Variants in CAMTA1 observed in about 807,000 individuals in gnomAD.
CAMTA1 encodes calmodulin binding transcription activator 1.
A neutral mutation model predicts 170.9 loss-of-function variants in CAMTA1; 27 were observed. The observed-to-expected ratio is 0.16, with a 90% CI of 0.12 to 0.22. The LOEUF is 0.22. CAMTA1 is among the 10% of genes least tolerant of loss of function. The pLI, the probability that CAMTA1 is intolerant of heterozygous loss-of-function variation, is 1.00. For missense variants in CAMTA1, 1,619 were observed against 2,217.2 expected (o/e 0.73, Z 5.42); for synonymous variants, 833 against 891.5 (o/e 0.93, Z 1.17).
chr1:7,185,177 C>G (rs763297488), intron 4 of CAMTA1, among the ~76,000 whole-genome samples: 3 of 152,146 alleles, frequency 2.0e-5, no homozygotes, highest in African/African-American at 7.2e-5. Flanking sequence ...TATATACACA[C>G]AGAGAGAGTT....
At chr1:7,142,423 T>C (rs1296246170) in intron 4 of CAMTA1, among the ~76,000 whole-genome samples, 2 of 152,214 alleles carry the variant, frequency 1.3e-5, no homozygotes, top group African/African-American at 4.8e-5. Flanking sequence ...AGGTCTGTGA[T>C]GATGGGCAGG....
intron 3 of CAMTA1, among the ~76,000 whole-genome samples, chr1:6,974,322 C>G (rs1041829440): frequency 1.3e-5 from 2 of 152,170 alleles, no homozygotes; most frequent in Admixed American, 1.3e-4. Flanking sequence ...GGGGTCTAGG[C>G]TTGCATCTAT....
intron 3 of CAMTA1, among the ~76,000 whole-genome samples, chr1:6,937,726 A>G (rs539101121): frequency 3.7e-4 from 56 of 150,828 alleles, no homozygotes; most frequent in Admixed American, 2.0e-3. Context: ...CACCATCACC[A>G]TCATCACAGT....
At chr1:7,204,809 C>CTTTTTTTTTTTTTTT (rs61639082) in intron 4 of CAMTA1, among the ~76,000 whole-genome samples, 1 of 120,978 alleles carries the variant, frequency 8.3e-6, no homozygotes. Flanking sequence ...GTCAGAGTTT[C>CTTTTTTTTTTTTTTT]TTTTTTTTTT....
At position 7,748,947 on chromosome 1, in the gene CAMTA1, A is replaced by G. The variant is rs1023093882; in HGVS notation, c.4689+1166A>G. Among the ~76,000 whole-genome samples the G allele has an allele frequency of 6.6e-6, 1 of 152,160 alleles. No homozygotes were observed. The highest frequency in any genetic ancestry group is 6.5e-5 in the Admixed American group (1 of 15,274). On this transcript the variant is annotated intron_variant, in intron 19 of 22. Transcript: ENST00000303635. The surrounding 1 kb of genome is among the most constrained non-coding windows in gnomAD (Gnocchi z 4.7). ...TGCCCCATCTCATTTCCTTTTTACA[A>G]TTATTTGAAGTAAGCAGTATTTATT...
intron 5 of CAMTA1, among the ~76,000 whole-genome samples, chr1:7,310,608 C>T (rs868085004): frequency 0.24 from 2,492 of 10,394 alleles, 125 homozygotes; most frequent in African/African-American, 0.4. Flanking sequence ...TCTTTTCTTT[C>T]TTTCTTTCTT....
intron 3 of CAMTA1, among the ~76,000 whole-genome samples, chr1:6,977,657 A>C (rs964559966): frequency 6.6e-6 from 1 of 152,256 alleles, no homozygotes. Flanking sequence ...AGCTTTTTTA[A>C]GCATATCATG....
At chr1:7,252,731 G>A (rs1666817067) in intron 5 of CAMTA1, among the ~76,000 whole-genome samples, 1 of 152,204 alleles carries the variant, frequency 6.6e-6, no homozygotes, top group Admixed American at 6.5e-5. Context: ...TCCTGCACAG[G>A]GTCTTGGAGC....
chr1:7,269,582 C>T (rs532444108), intron 5 of CAMTA1, among the ~76,000 whole-genome samples: 3 of 152,072 alleles, frequency 2.0e-5, no homozygotes, highest in Non-Finnish European at 4.4e-5. Context: ...CTGGTTATCG[C>T]AATGGGATTA....
At chr1:7,595,834 C>G (rs2095395359) in intron 6 of CAMTA1, among the ~76,000 whole-genome samples, 1 of 152,208 alleles carries the variant, frequency 6.6e-6, no homozygotes, top group Non-Finnish European at 1.5e-5. Context: ...CGGAACCCCC[C>G]ACCCCACCTG....
intron 4 of CAMTA1, among the ~76,000 whole-genome samples, chr1:7,139,303 A>G (rs1645754698): frequency 6.9e-6 from 1 of 144,732 alleles, no homozygotes. Context: ...TTATAAAATT[A>G]TATAATATAT....
intron 5 of CAMTA1, among the ~76,000 whole-genome samples, chr1:7,335,143 G>GTGTGTGTGTGTGTGTGT (rs2083290253): frequency 1.4e-5 from 1 of 69,936 alleles, no homozygotes; most frequent in African/African-American, 4.6e-5. Context: ...TGTGTGTGGG[G>GTGTGTGTGTGTGTGTGT]GGGGGGGGGG....
intron 1 of CAMTA1, among the ~76,000 whole-genome samples, chr1:6,794,152 C>T (rs1641879370): frequency 6.6e-6 from 1 of 152,058 alleles, no homozygotes; most frequent in Non-Finnish European, 1.5e-5. Context: ...AAGAATGCTC[C>T]CCAAAATGGG....
At chr1:7,372,846 C>T (rs185840107) in intron 5 of CAMTA1, among the ~76,000 whole-genome samples, 22 of 152,328 alleles carry the variant, frequency 1.4e-4, no homozygotes, top group Admixed American at 2.0e-4. Context: ...CATCTAGAGC[C>T]GCCCGCATAG....
chr1:7,491,018 C>A (rs1268550601), intron 6 of CAMTA1, among the ~76,000 whole-genome samples: 1 of 152,190 alleles, frequency 6.6e-6, no homozygotes. Context: ...ATGTCATTTT[C>A]TTTGAATTTG....
chr1:7,109,117 T>C (rs1039480340), intron 4 of CAMTA1, among the ~76,000 whole-genome samples: 1 of 152,174 alleles, frequency 6.6e-6, no homozygotes, highest in African/African-American at 2.4e-5. Flanking sequence ...TACGAGAGGG[T>C]GAGCAAGACA....
chr1:7,745,403 G>GTAA, intron 17 of CAMTA1, among the ~76,000 whole-genome samples: 1 of 152,228 alleles, frequency 6.6e-6, no homozygotes, highest in South Asian at 2.1e-4. Context: ...ATAGGCGCCT[G>GTAA]TAATCCCAGC....
chr1:6,852,396 C>T (rs1000490022), intron 3 of CAMTA1, among the ~76,000 whole-genome samples: 2 of 152,194 alleles, frequency 1.3e-5, no homozygotes, highest in Admixed American at 1.3e-4. Flanking sequence ...ATACTAACTG[C>T]CTGGAATTAC....
intron 3 of CAMTA1, among the ~76,000 whole-genome samples, chr1:6,977,125 G>A (rs550408984): frequency 6.6e-6 from 1 of 152,248 alleles, no homozygotes; most frequent in East Asian, 1.9e-4. Flanking sequence ...TAATACACAG[G>A]GGCACTGGAT....
Sources: gnomAD v4.1 joint callset for allele counts (sites outside exome capture counted in the v4.1 genomes callset) on GRCh38, gnomAD v4.1.1 for gene constraint, Gnocchi (gnomAD v3.1) non-coding constraint, MANE v1.5 for transcripts, NCBI Gene and HGNC (gene_info 2026-07-23, HGNC 2026-07-21) for gene names.